ERC1: variants seen among roughly 807,000 people sequenced by gnomAD.
ERC1 encodes the protein ELKS/RAB6-interacting/CAST family member 1.
Under a neutral mutation model 132.0 loss-of-function variants are expected in ERC1, and 56 were observed. The observed-to-expected ratio is 0.42, with a 90% CI of 0.34 to 0.53. The LOEUF is 0.53. ERC1 is among the 20% of genes least tolerant of loss of function. The pLI, the probability that ERC1 is intolerant of heterozygous loss-of-function variation, is 0.03. For synonymous variants in ERC1, 478 were observed against 476.1 expected (o/e 1.00, Z -0.05); for missense variants, 1,202 against 1,349.9 (o/e 0.89, Z 1.72).
chr12:1,353,028 C>CTTTTTT (rs547540688), intron 15 of ERC1, among the ~76,000 whole-genome samples: 59 of 122,952 alleles, frequency 4.8e-4, no homozygotes, highest in East Asian at 6.9e-4. Context: ...CTTTTCTTTT[C>CTTTTTT]TTTTTTTTTT....
At chr12:1,474,085 A>G (rs74059557) in intron 18 of ERC1, among the ~76,000 whole-genome samples, 3,348 of 152,338 alleles carry the variant, frequency 0.022, 117 homozygotes, top group African/African-American at 0.075. Context: ...AGAAGCCTGC[A>G]GATTCAAGTT....
At chr12:1,301,897 C>G (rs2080432596) in intron 15 of ERC1, among the ~76,000 whole-genome samples, 1 of 152,104 alleles carries the variant, frequency 6.6e-6, no homozygotes, top group African/African-American at 2.4e-5. Context: ...GCCCCAATGG[C>G]TTTACTGTTG....
intron 15 of ERC1, among the ~76,000 whole-genome samples, chr12:1,345,132 AT>A (rs1372965234): frequency 1.3e-5 from 2 of 151,884 alleles, no homozygotes; most frequent in African/African-American, 4.8e-5. Context: ...TAAAAATTGA[AT>A]TTAATTTTAC....
In ERC1 at chr12:1,137,792, A is replaced by G. The variant is rs1454712709; in HGVS notation, c.1570-3828A>G. 2.6e-5 allele frequency among the ~76,000 whole-genome samples: 4 copies of G among 151,328 alleles called. No homozygotes were observed. The East Asian group carries it at 5.8e-4, about 22-fold the overall frequency. ...CTCTTGAACCCAGGAGGCAGAGGTT[A>G]CAGTGAGCCGAGATTGCGCCACTGC... On this transcript the variant is annotated intron_variant, in intron 7 of 18. Transcript: ENST00000360905.
At chr12:1,324,349 G>A (rs2082312042) in intron 15 of ERC1, among the ~76,000 whole-genome samples, 1 of 152,160 alleles carries the variant, frequency 6.6e-6, no homozygotes, top group Non-Finnish European at 1.5e-5. Context: ...CCAGACAGAA[G>A]GCATGTCTCA....
chr12:996,095 G>GTT (rs71441637), intron 1 of ERC1, among the ~76,000 whole-genome samples: 40 of 142,828 alleles, frequency 2.8e-4, no homozygotes, highest in African/African-American at 7.4e-4. Flanking sequence ...TGTTTTTTTT[G>GTT]TTTTTTTTTT....
intron 15 of ERC1, among the ~76,000 whole-genome samples, chr12:1,371,419 G>A (rs898635260): frequency 6.6e-6 from 1 of 152,208 alleles, no homozygotes; most frequent in African/African-American, 2.4e-5. Context: ...ATTTACTCCA[G>A]GTGTGAACTT....
At chr12:1,383,169 C>G (rs891426188) in intron 16 of ERC1, among the ~76,000 whole-genome samples, 1 of 152,150 alleles carries the variant, frequency 6.6e-6, no homozygotes, top group Admixed American at 6.5e-5. Flanking sequence ...GTTTCCTGAT[C>G]CCTCTTGAAT....
intron 1 of ERC1, among the ~76,000 whole-genome samples, chr12:1,015,067 TTTTC>T (rs1965301777): frequency 6.7e-6 from 1 of 148,472 alleles, no homozygotes; most frequent in South Asian, 2.1e-4. Context: ...CCCTGCCTCT[TTTTC>T]TTTCTTTTTT....
At chr12:1,323,775 G>A (rs1173415965) in intron 15 of ERC1, among the ~76,000 whole-genome samples, 1 of 152,162 alleles carries the variant, frequency 6.6e-6, no homozygotes, top group African/African-American at 2.4e-5. Flanking sequence ...AAAATATTTT[G>A]CTTAGAAGGA....
chr12:1,248,313 T>G (rs982443827), intron 13 of ERC1, among the ~76,000 whole-genome samples: 1 of 152,082 alleles, frequency 6.6e-6, no homozygotes, highest in African/African-American at 2.4e-5. Context: ...CATTGTCTCA[T>G]GGAAAAACAA....
chr12:1,306,732 G>GT (rs1434148983), intron 15 of ERC1, among the ~76,000 whole-genome samples: 4 of 151,320 alleles, frequency 2.6e-5, no homozygotes, highest in East Asian at 1.9e-4. Flanking sequence ...GGTTTTTTTT[G>GT]TTTTTTGTTT....
chr12:1,469,068 T>C (rs999072882), intron 18 of ERC1, among the ~76,000 whole-genome samples: 2 of 152,204 alleles, frequency 1.3e-5, no homozygotes, highest in Non-Finnish European at 2.9e-5. Flanking sequence ...GATAGATACA[T>C]GTCTGTGCTA....
At chr12:1,100,875 T>C (rs1335087067) in intron 3 of ERC1, among the ~76,000 whole-genome samples, 1 of 152,036 alleles carries the variant, frequency 6.6e-6, no homozygotes, top group Non-Finnish European at 1.5e-5. Flanking sequence ...GGAATGAGTA[T>C]AGGTGGAAAA....
chr12:1,155,508 C>T (rs1299566661), intron 8 of ERC1, among the ~76,000 whole-genome samples: 4 of 151,658 alleles, frequency 2.6e-5, no homozygotes, highest in African/African-American at 7.3e-5. Flanking sequence ...CGGAGTCTCG[C>T]TCTGTCGCCC....
At chr12:1,303,956 A>G (rs1329197452) in intron 15 of ERC1, among the ~76,000 whole-genome samples, 2 of 87,116 alleles carry the variant, frequency 2.3e-5, no homozygotes, top group East Asian at 2.4e-4. Flanking sequence ...TCCATCTCAG[A>G]AAAAAAAAAA....
chr12:1,144,613 G>GGTATATATATACATATATATATACGT (rs1555268131), intron 8 of ERC1, among the ~76,000 whole-genome samples: 1 of 126,252 alleles, frequency 7.9e-6, no homozygotes, highest in African/African-American at 4.1e-5. Flanking sequence ...AGAATTTTGT[G>GGTATATATATACATATATATATACGT]GTATATATAT....
At chr12:1,195,517 T>G (rs1687486035) in intron 12 of ERC1, among the ~76,000 whole-genome samples, 1 of 152,208 alleles carries the variant, frequency 6.6e-6, no homozygotes. Flanking sequence ...CACATATGCA[T>G]TAGTGATTGG....
chr12:1,344,452 C>T (rs1254978829), intron 15 of ERC1, among the ~76,000 whole-genome samples: 1 of 152,146 alleles, frequency 6.6e-6, no homozygotes, highest in Non-Finnish European at 1.5e-5. Context: ...GAGACTGGAA[C>T]CACATGAAGG....
Sources: allele counts gnomAD v4.1 joint callset (sites outside exome capture counted in the v4.1 genomes callset), GRCh38; gene constraint gnomAD v4.1.1; transcripts MANE v1.5; gene names NCBI Gene and HGNC (gene_info 2026-07-23, HGNC 2026-07-21).